Variants in SGCD observed in about 807,000 individuals in gnomAD.
SGCD encodes sarcoglycan delta.
In SGCD, 18 loss-of-function variants were observed where a neutral mutation model predicts 36.6. The observed-to-expected ratio is 0.49, with a 90% CI of 0.34 to 0.73. The LOEUF (loss-of-function observed/expected upper bound fraction) is 0.73, where lower values mean the gene tolerates loss of function less well. Among genes scored for constraint, SGCD ranks in the 30% least tolerant of loss-of-function variants. The pLI is 0.01. For synonymous variants in SGCD, 133 were observed against 130.6 expected, an observed-to-expected ratio of 1.02 and a Z score of -0.12; for missense variants, 387 against 346.7, an observed-to-expected ratio of 1.12 and a Z score of -0.92.
At chr5:155,993,331 G>A (rs1758474066) in intron 1 of SGCD, among the ~76,000 whole-genome samples, 1 of 146,756 alleles carries the variant, frequency 6.8e-6, no homozygotes, top group Admixed American at 6.9e-5. Flanking sequence ...ATACAAATCT[G>A]GGGTCCTTTT....
chr5:155,900,589 A>G (rs546944844), intron 1 of SGCD, among the ~76,000 whole-genome samples: 2 of 70,640 alleles, frequency 2.8e-5, no homozygotes, highest in African/African-American at 5.3e-5. Context: ...CCCACTCCAC[A>G]ACAGTCCCCA....
intron 3 of SGCD, among the ~76,000 whole-genome samples, chr5:156,455,462 T>TC (rs1754216999): frequency 7.0e-6 from 1 of 141,998 alleles, no homozygotes; most frequent in Non-Finnish European, 1.5e-5. Flanking sequence ...TTTTTTTTTT[T>TC]CACTGTGGCT....
chr5:155,767,269 A>G, the SGCD span, among the ~76,000 whole-genome samples: 15 of 152,284 alleles, frequency 9.9e-5, no homozygotes, highest in African/African-American at 3.4e-4. Flanking sequence ...AGGACCCTCC[A>G]TGGGGCGGCC....
chr5:156,556,154 G>T (rs61007781), intron 4 of SGCD, among the ~76,000 whole-genome samples: 1 of 148,566 alleles, frequency 6.7e-6, no homozygotes, highest in East Asian at 2.0e-4. Flanking sequence ...TTAGAGATAC[G>T]CTCAGAGTCA....
At chr5:156,741,865 T>C (rs1756690780) in intron 7 of SGCD, among the ~76,000 whole-genome samples, 1 of 151,988 alleles carries the variant, frequency 6.6e-6, no homozygotes, top group Non-Finnish European at 1.5e-5. Flanking sequence ...TCCAATTATG[T>C]TTTCAGGTTT....
At chr5:155,947,292 CTTGT>C (rs1380379627) in intron 1 of SGCD, among the ~76,000 whole-genome samples, 22 of 105,424 alleles carry the variant, frequency 2.1e-4, no homozygotes, top group Admixed American at 1.6e-3. Flanking sequence ...CATAAATACT[CTTGT>C]GTGTGTGTGT....
intron 1 of SGCD, among the ~76,000 whole-genome samples, chr5:156,032,331 C>T (rs1306616316): frequency 6.6e-6 from 1 of 151,880 alleles, no homozygotes; most frequent in Non-Finnish European, 1.5e-5. Flanking sequence ...GGGTTGTATT[C>T]TTTTTTGTTT....
At chr5:156,186,165 CAGGACCTGAACTA>C (rs1374610315) in intron 3 of SGCD, among the ~76,000 whole-genome samples, 6 of 151,430 alleles carry the variant, frequency 4.0e-5, no homozygotes, top group Non-Finnish European at 7.4e-5. Flanking sequence ...CCTCTTATAC[CAGGACCTGAACTA>C]AGGAGTGGAT....
chr5:156,322,782 T>C (rs1394073652), upstream of SGCD, among the ~76,000 whole-genome samples: 1 of 152,212 alleles, frequency 6.6e-6, no homozygotes, highest in African/African-American at 2.4e-5. Context: ...TGGCAGCAGA[T>C]GAGGCTAAAG....
At chr5:155,859,786 G>T in the SGCD span, among the ~76,000 whole-genome samples, 4 of 152,162 alleles carry the variant, frequency 2.6e-5, no homozygotes, top group Non-Finnish European at 5.9e-5. Context: ...ATACTCAAAT[G>T]ACCTTATGTG....
chr5:156,005,428 TTTGTTGTTG>T (rs5872447), intron 1 of SGCD, among the ~76,000 whole-genome samples: 243 of 150,614 alleles, frequency 1.6e-3, no homozygotes, highest in South Asian at 3.4e-3. Flanking sequence ...GTCTTCAGTT[TTTGTTGTTG>T]TTGTTGTTGT....
At chr5:156,567,412 AGATAGATAGATAGATAGATG>A (rs1439400229) in intron 4 of SGCD, among the ~76,000 whole-genome samples, 71 of 149,432 alleles carry the variant, frequency 4.8e-4, no homozygotes, top group Non-Finnish European at 3.9e-4. Context: ...ATAGATAGAT[AGATAGATAGATAGATAGATG>A]GTAGCTCATG....
intron 3 of SGCD, among the ~76,000 whole-genome samples, chr5:156,418,619 T>C (rs1773155846): frequency 6.6e-6 from 1 of 152,204 alleles, no homozygotes; most frequent in Admixed American, 6.5e-5. Flanking sequence ...GAGAAAAAGA[T>C]CTGACCCTTA....
chr5:155,845,172 C>G, the SGCD span, among the ~76,000 whole-genome samples: 2 of 152,134 alleles, frequency 1.3e-5, no homozygotes, highest in Non-Finnish European at 2.9e-5. Flanking sequence ...TGTCCATCAT[C>G]TTATTTTTAA....
intron 3 of SGCD, among the ~76,000 whole-genome samples, chr5:156,450,967 G>A (rs1168831054): frequency 1.3e-5 from 2 of 152,028 alleles, no homozygotes; most frequent in African/African-American, 2.4e-5. Context: ...TGAAAGAAGG[G>A]TTTTATTTTC....
chr5:156,337,932 G>A (rs1768443346), intron 2 of SGCD, among the ~76,000 whole-genome samples: 2 of 152,108 alleles, frequency 1.3e-5, no homozygotes, highest in African/African-American at 4.8e-5. Flanking sequence ...ACTGAACAGA[G>A]AACTGCACTC....
chr5:156,094,808 C>G (rs1466868170), intron 1 of SGCD, among the ~76,000 whole-genome samples: 1 of 152,098 alleles, frequency 6.6e-6, no homozygotes, highest in Non-Finnish European at 1.5e-5. Context: ...CGAGACCATC[C>G]TGGCCAACAT....
chr5:156,259,810 A>G (rs1055314523), intron 3 of SGCD, among the ~76,000 whole-genome samples: 3 of 152,042 alleles, frequency 2.0e-5, no homozygotes, highest in Non-Finnish European at 4.4e-5. Flanking sequence ...AAGAAGAGGA[A>G]AAAAGACCTG....
At chr5:156,076,962 T>G (rs570327230) in intron 1 of SGCD, among the ~76,000 whole-genome samples, 2 of 152,354 alleles carry the variant, frequency 1.3e-5, no homozygotes, top group South Asian at 2.1e-4. Flanking sequence ...AAGCTTTATA[T>G]ACAATGTTTG....
Sources: allele counts gnomAD v4.1 joint callset (sites outside exome capture counted in the v4.1 genomes callset), GRCh38; gene constraint gnomAD v4.1.1; transcripts MANE v1.5; gene names NCBI Gene and HGNC (gene_info 2026-07-23, HGNC 2026-07-21).